The following C8orf34 variants were observed in gnomAD, a reference collection of about 807,000 sequenced individuals.
The protein encoded by C8orf34 is chromosome 8 open reading frame 34.
Under a neutral mutation model 68.3 loss-of-function variants are expected in C8orf34, and 65 were observed. The ratio of observed to expected loss-of-function variants is 0.95; its 90% CI spans 0.78 to 1.17. The LOEUF (loss-of-function observed/expected upper bound fraction) is 1.17, where lower values mean the gene tolerates loss of function less well. Ranked by LOEUF, C8orf34 falls within the 50% of genes most tolerant of loss-of-function variation. C8orf34 has a pLI of 0.00. For missense variants in C8orf34, 664 were observed against 655.4 expected (o/e 1.01, Z -0.14); for synonymous variants, 244 against 241.2 (o/e 1.01, Z -0.11).
intron 7 of C8orf34, among the ~76,000 whole-genome samples, chr8:68,608,411 C>G (rs998871020): frequency 2.6e-5 from 4 of 151,766 alleles, no homozygotes; most frequent in Non-Finnish European, 5.9e-5. Context: ...GTTAAAGAGC[C>G]TTGAATTTTG....
intron 10 of C8orf34, among the ~76,000 whole-genome samples, chr8:68,773,290 T>C (rs1405243147): frequency 1.3e-5 from 2 of 152,324 alleles, no homozygotes; most frequent in African/African-American, 2.4e-5. Context: ...GAATCAGAGA[T>C]ACTGATGCCT....
At chr8:68,682,358 A>G (rs1820394624) in intron 8 of C8orf34, among the ~76,000 whole-genome samples, 1 of 152,132 alleles carries the variant, frequency 6.6e-6, no homozygotes, top group African/African-American at 2.4e-5. Flanking sequence ...TGCCCACAAA[A>G]GTTAAAAAGA....
intron 1 of C8orf34, among the ~76,000 whole-genome samples, chr8:68,374,712 A>G (rs539258422): frequency 6.6e-6 from 1 of 152,322 alleles, no homozygotes; most frequent in South Asian, 2.1e-4. Flanking sequence ...AAAAAAATGT[A>G]AACAGTTTAA....
intron 1 of C8orf34, among the ~76,000 whole-genome samples, chr8:68,426,823 C>T (rs760992729): frequency 2.6e-5 from 4 of 151,142 alleles, no homozygotes; most frequent in Non-Finnish European, 1.5e-5. Flanking sequence ...GAGCTGAGGT[C>T]GCGCCATTGC....
In C8orf34 at chr8:68,466,155, T is replaced by C. The variant is rs191900659; in HGVS notation, c.608-2537T>C. On this transcript the variant is annotated intron_variant, in intron 3 of 13. Transcript: ENST00000518698. ...GACTAATATTGCATGCCCTCAGTTA[T>C]ATGTGGGAGCCAATAAAACTAATCA... Among the ~76,000 whole-genome samples the C allele has an allele frequency of 1.8e-3, 278 of 152,068 alleles. 1 individual carries two copies. The highest frequency in any genetic ancestry group is 6.4e-3 in the African/African-American group (265 of 41,496).
chr8:68,647,043 C>G (rs760321433), intron 8 of C8orf34, among the ~76,000 whole-genome samples: 1 of 152,232 alleles, frequency 6.6e-6, no homozygotes, highest in South Asian at 2.1e-4. Flanking sequence ...AAACCATACT[C>G]TGATAGGGGG....
intron 7 of C8orf34, among the ~76,000 whole-genome samples, chr8:68,639,767 T>C (rs1818949556): frequency 6.6e-6 from 1 of 152,110 alleles, no homozygotes; most frequent in Non-Finnish European, 1.5e-5. Flanking sequence ...AAAATAGAAG[T>C]GGGCTTCAGT....
intron 1 of C8orf34, among the ~76,000 whole-genome samples, chr8:68,414,517 G>C (rs1809579620): frequency 6.6e-6 from 1 of 152,160 alleles, no homozygotes; most frequent in South Asian, 2.1e-4. Context: ...AAAGCTTTTA[G>C]TAACACTATT....
At chr8:68,617,511 C>G (rs538639077) in intron 7 of C8orf34, among the ~76,000 whole-genome samples, 2 of 152,120 alleles carry the variant, frequency 1.3e-5, no homozygotes, top group Non-Finnish European at 2.9e-5. Flanking sequence ...ATTTGCTTGT[C>G]TGTAAAGTAT....
At chr8:68,459,250 G>T (rs1811682001) in intron 3 of C8orf34, among the ~76,000 whole-genome samples, 1 of 151,854 alleles carries the variant, frequency 6.6e-6, no homozygotes, top group Non-Finnish European at 1.5e-5. Flanking sequence ...TTTTTTCTGA[G>T]ATGGAGTCTC....
intron 11 of C8orf34, among the ~76,000 whole-genome samples, chr8:68,779,445 A>G (rs1443451103): frequency 6.6e-6 from 1 of 152,164 alleles, no homozygotes; most frequent in Non-Finnish European, 1.5e-5. Context: ...GGCAACATAC[A>G]TGGGAGTGCG....
intron 1 of C8orf34, among the ~76,000 whole-genome samples, chr8:68,431,805 CTA>C (rs1176730728): frequency 1.3e-5 from 2 of 152,128 alleles, no homozygotes; most frequent in Non-Finnish European, 2.9e-5. Flanking sequence ...AATTCAGTGT[CTA>C]TGATTCAGCT....
At chr8:68,339,056 G>A (rs1442480846) in intron 1 of C8orf34, among the ~76,000 whole-genome samples, 1 of 151,534 alleles carries the variant, frequency 6.6e-6, no homozygotes. Context: ...TTTTTATTTG[G>A]GTTGTTTTGG....
rs192712440 is a variant in C8orf34, at chr8:68,583,015, C to T, written c.1105+49866C>T. Among the ~76,000 whole-genome samples the T allele has an allele frequency of 2.0e-5, 3 of 152,190 alleles. No homozygotes were observed. In the East Asian group the frequency reaches 5.8e-4, roughly 29 times the overall value. On this transcript the variant is annotated intron_variant, in intron 7 of 13. Coordinates refer to ENST00000518698, the MANE Select transcript of C8orf34 (RefSeq NM_052958.4). ...TCTTCTTTGTACAGAGTGGGAGATA[C>T]TCTTACAAATGGAAATTTTCATTAT... is the stretch of plus-strand genomic sequence containing the variant.
rs59134336 is a variant in C8orf34 at position 68,407,272 on chromosome 8, G to A, written c.328-32227G>A. Among the ~76,000 whole-genome samples, 883 of 151,542 alleles carry A rather than the reference G, an allele frequency of 5.8e-3. 27 individuals carry two copies. The East Asian group carries it at 0.092, about 16-fold the overall frequency. On this transcript the variant is annotated intron_variant, in intron 1 of 13. Transcript: ENST00000518698. ...AATATTTTTTTCAAGTAGAATGTAA[G>A]GGAGATAAAGTCTTCGAAGTTCATG... is the stretch of plus-strand genomic sequence containing the variant.
chr8:68,812,774 G>A (rs779687397), intron 12 of C8orf34, among the ~76,000 whole-genome samples: 9 of 152,008 alleles, frequency 5.9e-5, no homozygotes, highest in East Asian at 1.9e-4. Flanking sequence ...AATTGGTTAC[G>A]TAACTTTTAA....
chr8:68,331,127 CG>C lies in C8orf34; in HGVS notation c.119del (p.Gly40AlafsTer72). 1.3e-6 allele frequency: 2 copies of C among 1,511,466 alleles called. No individual in the cohort carries two copies. Among genetic ancestry groups the C allele is most frequent in the Non-Finnish European group, 8.8e-7 (1 of 1,135,576 alleles). 93.6% of individuals were successfully genotyped at this position (1,511,466 alleles called of 1,614,324 possible). ...CCGGGCTGCCACCCACGCCCGCGGC[CG>C]GGGCCGAGCCAGCCACGCAGGGCAG... ...APRAATHARG[R>X]GRASHAGQPR... On this transcript the variant is annotated frameshift_variant, in exon 1 of 14. Transcript: ENST00000518698. LOFTEE classifies it high-confidence loss of function.
rs149368920 is a variant in C8orf34 at position 68,455,349 on chromosome 8, T to C, written c.607+8889T>C. Among the ~76,000 whole-genome samples, 328 of 152,314 alleles carry C rather than the reference T, an allele frequency of 2.2e-3. 1 individual carries two copies. The highest frequency in any genetic ancestry group is 7.1e-3 in the African/African-American group (295 of 41,578). ...AAAGTGGGGATTTTAAAGTCCACTA[T>C]TCTTATTATAGTGCCCTCTAACTCC... On this transcript the variant is annotated intron_variant, in intron 3 of 13. Coordinates refer to ENST00000518698, the MANE Select transcript of C8orf34 (RefSeq NM_052958.4).
intron 5 of C8orf34, among the ~76,000 whole-genome samples, chr8:68,488,275 A>G (rs1057271611): frequency 6.6e-6 from 1 of 152,092 alleles, no homozygotes; most frequent in African/African-American, 2.4e-5. Flanking sequence ...GAATTTGGTT[A>G]GAGAAAATGG....
Sources: gnomAD v4.1 joint callset for allele counts (sites outside exome capture counted in the v4.1 genomes callset) on GRCh38, gnomAD v4.1.1 for gene constraint, MANE v1.5 for transcripts, NCBI Gene and HGNC (gene_info 2026-07-23, HGNC 2026-07-21) for gene names.